REN: variants seen among roughly 807,000 people sequenced by gnomAD.
The protein encoded by REN is angiotensin-forming enzyme.
A neutral mutation model predicts 48.6 loss-of-function variants in REN; 42 were observed. That is an observed-to-expected ratio of 0.86 (90% CI 0.68 to 1.12). The LOEUF is 1.12. Among genes scored for constraint, REN ranks in the 50% most tolerant of loss-of-function variants. REN has a pLI of 0.00. For missense variants in REN, 443 were observed against 527.3 expected, an observed-to-expected ratio of 0.84 and a Z score of 1.57; for synonymous variants, 196 against 204.6, an observed-to-expected ratio of 0.96 and a Z score of 0.36.
Position 204,156,246 on chromosome 1 carries a change from T to C in REN, c.892A>G (p.Ile298Val). ...LALVDTGASY[I>V]SGSTSSIEKL... is the part of the protein sequence containing the mutation. Reference sequence around the variant, plus strand: ...TCTATGGAGCTGGTAGAACCTGAGATGTAGGATGCACCGGTGTCTACCAAT... The same window carrying C: ...TCTATGGAGCTGGTAGAACCTGAGACGTAGGATGCACCGGTGTCTACCAAT... The change falls in exon 8 of 10, where the codon ATC becomes GTC. Residue 298 changes from isoleucine (I) to valine (V), a missense_variant. Physicochemically the swap from Ile to Val is conservative, Grantham distance 29. Transcript: ENST00000272190. The surrounding 1 kb of genome is among the most constrained non-coding windows in gnomAD (Gnocchi z 4.2). 1.2e-6 allele frequency: 2 copies of C among 1,614,148 alleles called. No homozygotes were observed. The highest frequency in any genetic ancestry group is 1.3e-5 in the African/African-American group (1 of 75,020).
chr1:204,164,565 C>CTTTTTTTTTTTT lies in REN; in HGVS notation c.98+1619_98+1630dup, dbSNP rs748060874. Among the ~76,000 whole-genome samples, 3 of 93,694 alleles carry CTTTTTTTTTTTT rather than the reference C, an allele frequency of 3.2e-5. 1 individual carries two copies. Among genetic ancestry groups the CTTTTTTTTTTTT allele is most frequent in the Non-Finnish European group, 5.8e-5 (3 of 51,446 alleles). The allele number at this position is 93,694 out of a possible 152,430, so 61.5% of individuals were successfully genotyped here. ...ATGCTGTCTCTTCCCCTTCTTCAGT[C>CTTTTTTTTTTTT]TTTTTTTTTTTTTTTTTTTTTTTTA... On this transcript the variant is annotated intron_variant, in intron 1 of 9. Transcript: ENST00000272190.
At chr1:204,164,855 G>A (rs190657897) in intron 1 of REN, among the ~76,000 whole-genome samples, 283 of 151,952 alleles carry the variant, frequency 1.9e-3, no homozygotes, top group Non-Finnish European at 3.2e-3. Flanking sequence ...AGCATGAGCC[G>A]CGTGCCCAGC....
chr1:204,165,386 T>C (rs1376068285), intron 1 of REN, among the ~76,000 whole-genome samples: 1 of 152,186 alleles, frequency 6.6e-6, no homozygotes, highest in African/African-American at 2.4e-5. Context: ...AGCAGCCCCA[T>C]CAAGTAGGTA....
At chr1:204,159,696 C>T in intron 4 of REN, 101 bp from the exon 5 acceptor site, 1 of 991,784 alleles carries the variant, frequency 1.0e-6, no homozygotes, top group Non-Finnish European at 1.6e-6. Flanking sequence ...CACACATGCT[C>T]CAGGGTACAG....
intron 3 of REN, 25 bp downstream of exon 3, chr1:204,161,267 A>C (rs995133032): frequency 1.4e-5 from 22 of 1,577,396 alleles, no homozygotes; most frequent in Non-Finnish European, 1.8e-5. Context: ...GATGGAGGAG[A>C]GGCACTGTGG....
rs762707291 is a variant in REN, at chr1:204,156,186, G to A, written c.952C>T (p.Leu318=). Residue 318 remains leucine, a synonymous_variant, in exon 8 of 10, where the codon CTG becomes TTG. Coordinates refer to ENST00000272190, the MANE Select transcript of REN (RefSeq NM_000537.4). This position sits in a 1 kb window ranked among gnomAD's most constrained non-coding sequence, Gnocchi z 4.2. ...CCTCTTTGGCTTCTTACATCAAACA[G>A]CCTCTTCTTGGCTCCCAAGGCCTCC... ...LMEALGAKKR[L]FDYVVKCNEG... 1.2e-6 allele frequency: 2 copies of A among 1,614,228 alleles called. No individual in the cohort carries two copies. Among genetic ancestry groups the A allele is most frequent in the East Asian group, 2.2e-5 (1 of 44,886 alleles).
In REN at chr1:204,156,678, C is replaced by G. The variant is rs752756662; in HGVS notation, c.817G>C (p.Gly273Arg). The change falls in exon 7 of 10, where the codon GGG becomes CGG. Residue 273 changes from glycine to arginine, a missense_variant and splice_region_variant. Gly to Arg is a moderately radical substitution (Grantham distance 125). Transcript: ENST00000272190. The surrounding 1 kb of genome is among the most constrained non-coding windows in gnomAD (Gnocchi z 4.2). ...KTGVWQIQMK[G>R]VSVGSSTLLC... ...CGGGGAGGGTTGAGGATTTCTGACCCCTTCATTTGAATCTGCCAGACACCA... is the reference window on the plus strand; with the variant it reads ...CGGGGAGGGTTGAGGATTTCTGACCGCTTCATTTGAATCTGCCAGACACCA... 1.2e-6 allele frequency: 2 copies of G among 1,614,114 alleles called. No homozygotes were observed. Among genetic ancestry groups the G allele is most frequent in the Non-Finnish European group, 1.7e-6 (2 of 1,180,008 alleles).
In REN at chr1:204,159,380, T is replaced by A; in HGVS notation, c.689+19A>T. On this transcript the variant is annotated intron_variant, in intron 5 of 9. Coordinates refer to ENST00000272190, the MANE Select transcript of REN (RefSeq NM_000537.4). ...CCCTCCTGTCCCCCCACCTCAGCCC[T>A]TGGAGTCCCAGTCCCCACCTGTTGT... 1.9e-6 allele frequency: 3 copies of A among 1,609,766 alleles called. No individual in the cohort carries two copies. Among genetic ancestry groups the A allele is most frequent in the Non-Finnish European group, 2.6e-6 (3 of 1,176,166 alleles).
chr1:204,156,864 G>A lies in REN; in HGVS notation c.699-68C>T. ...GGACCCAGCAACTCAGGCAATTGGG[G>A]AAGGTTGCACAAGGGTGCAGGGGAG... On this transcript the variant is annotated intron_variant, in intron 6 of 9. Transcript: ENST00000272190. This position sits in a 1 kb window ranked among gnomAD's most constrained non-coding sequence, Gnocchi z 4.2. The A allele has an allele frequency of 6.2e-7, 1 of 1,601,242 alleles. No individual in the cohort carries two copies.
chr1:204,160,956 C>G (rs183679921), intron 3 of REN, among the ~76,000 whole-genome samples: 1 of 152,244 alleles, frequency 6.6e-6, no homozygotes, highest in East Asian at 1.9e-4. Context: ...GAGTAAGTGC[C>G]TAGTAAGAGG....
In REN at chr1:204,162,063, G is replaced by A. The variant is rs754344568; in HGVS notation, c.199C>T (p.Leu67=). The A allele has an allele frequency of 1.9e-6, 3 of 1,614,114 alleles. No individual in the cohort carries two copies. Among genetic ancestry groups the A allele is most frequent in the East Asian group, 4.5e-5 (2 of 44,860 alleles). The change falls in exon 2 of 10, where the codon CTG becomes TTG. Residue 67 remains leucine (L), a synonymous_variant. Coordinates refer to ENST00000272190, the MANE Select transcript of REN (RefSeq NM_000537.4). Reference sequence around the variant, plus strand: ...GAGGAGGTGGTGTTGCCAAGTGTCAGCCTCTTCATGGGTTGGCTCCACTCG... The same window carrying A: ...GAGGAGGTGGTGTTGCCAAGTGTCAACCTCTTCATGGGTTGGCTCCACTCG... ...GPEWSQPMKR[L]TLGNTTSSVI... is the part of the protein sequence containing the mutation.
intron 6 of REN, 36 bp downstream of exon 6, chr1:204,157,325 G>A: frequency 6.2e-7 from 1 of 1,614,116 alleles, no homozygotes; most frequent in Non-Finnish European, 8.5e-7. Context: ...GGGAGTACTG[G>A]AAGGTCACAG....
rs1658147747 is a variant in REN at position 204,156,267 on chromosome 1, C to T, written c.871G>A (p.Val291Ile). 3 of 1,614,204 alleles carry T rather than the reference C, an allele frequency of 1.9e-6. No individual in the cohort carries two copies. The South Asian group carries it at 3.3e-5, about 18-fold the overall frequency. ...GAGATGTAGGATGCACCGGTGTCTACCAATGCCAGGCAGCCGTCTTCACAG... is the reference window on the plus strand; with the variant it reads ...GAGATGTAGGATGCACCGGTGTCTATCAATGCCAGGCAGCCGTCTTCACAG... ...LLCEDGCLAL[V>I]DTGASYISGS... is the part of the protein sequence containing the mutation. Residue 291 changes from valine to isoleucine, a missense_variant, in exon 8 of 10, where the codon GTA (valine) becomes ATA (isoleucine). By Grantham distance (29) the Val-to-Ile change is conservative (BLOSUM62 3). Coordinates refer to ENST00000272190, the MANE Select transcript of REN (RefSeq NM_000537.4). The surrounding 1 kb of genome is among the most constrained non-coding windows in gnomAD (Gnocchi z 4.2).
intron 5 of REN, among the ~76,000 whole-genome samples, chr1:204,158,073 C>T (rs988722016): frequency 6.6e-6 from 1 of 151,962 alleles, no homozygotes; most frequent in African/African-American, 2.4e-5. Context: ...AAAACACCCA[C>T]CCTTCCTCTT....
chr1:204,155,297 G>C, intron 9 of REN, 120 bp from the exon 10 acceptor site: 1 of 1,106,624 alleles, frequency 9.0e-7, no homozygotes, highest in African/African-American at 1.5e-5. Flanking sequence ...CTCTCCCCTA[G>C]CCACACTGGG....
At chr1:204,158,800 C>T (rs1247615500) in intron 5 of REN, among the ~76,000 whole-genome samples, 1 of 152,242 alleles carries the variant, frequency 6.6e-6, no homozygotes, top group Non-Finnish European at 1.5e-5. Flanking sequence ...CCCTGTTAGC[C>T]TGTAAGCTCT....
intron 1 of REN, among the ~76,000 whole-genome samples, chr1:204,162,787 G>C (rs1658271595): frequency 6.6e-6 from 1 of 152,210 alleles, no homozygotes; most frequent in Admixed American, 6.5e-5. Context: ...CTAGAGAGAT[G>C]CCAGCATCTT....
rs1336200848 is a variant in REN, at chr1:204,159,165, C to T, written c.689+234G>A. 2.0e-5 allele frequency among the ~76,000 whole-genome samples: 3 copies of T among 152,306 alleles called. 1 individual carries two copies. The highest frequency in any genetic ancestry group is 3.9e-4 in the East Asian group (2 of 5,190). The stretch of plus-strand genomic sequence containing the variant: ...GCCACCGTGGCTGCCAGGCATTTGA[C>T]GTGTGGCTAGTACAACTAAGAGCCA... On this transcript the variant is annotated intron_variant, in intron 5 of 9. Transcript: ENST00000272190.
Position 204,156,341 on chromosome 1 carries a change from C to G in REN, c.819-22G>C. ...CACCCTGGGGGAGGCCACAGTCAGACAGACAGACAGACAGACAGACAGAAG... is the reference window on the plus strand; with the variant it reads ...CACCCTGGGGGAGGCCACAGTCAGAGAGACAGACAGACAGACAGACAGAAG... On this transcript the variant is annotated intron_variant, in intron 7 of 9. Transcript: ENST00000272190. The surrounding 1 kb of genome is among the most constrained non-coding windows in gnomAD (Gnocchi z 4.2). The G allele has an allele frequency of 1.2e-6, 2 of 1,603,296 alleles. No individual in the cohort carries two copies. Among genetic ancestry groups the G allele is most frequent in the Non-Finnish European group, 1.7e-6 (2 of 1,176,934 alleles).
Sources: gnomAD v4.1 joint callset for allele counts (sites outside exome capture counted in the v4.1 genomes callset) on GRCh38, gnomAD v4.1.1 for gene constraint, Gnocchi (gnomAD v3.1) non-coding constraint, MANE v1.5 for transcripts, NCBI Gene and HGNC (gene_info 2026-07-23, HGNC 2026-07-21) for gene names.